The following INTU variants were observed in gnomAD, a reference collection of about 807,000 sequenced individuals.
INTU encodes inturned planar cell polarity protein.
A neutral mutation model predicts 100.5 loss-of-function variants in INTU; 68 were observed. The ratio of observed to expected loss-of-function variants is 0.68; its 90% CI spans 0.56 to 0.83. The LOEUF (loss-of-function observed/expected upper bound fraction) is 0.83. INTU is among the 40% of genes least tolerant of loss of function. The pLI is 0.00. For synonymous variants in INTU, 357 were observed against 395.7 expected (o/e 0.90, Z 1.16); for missense variants, 1,071 against 1,114.7 (o/e 0.96, Z 0.56).
intron 8 of INTU, among the ~76,000 whole-genome samples, chr4:127,691,496 C>T (rs1464785799): frequency 6.6e-6 from 1 of 152,116 alleles, no homozygotes; most frequent in African/African-American, 2.4e-5. Context: ...TTTTAATTTG[C>T]ATTTCCCTGA....
At chr4:127,635,018 A>G (rs1265581671) in intron 1 of INTU, among the ~76,000 whole-genome samples, 1 of 152,236 alleles carries the variant, frequency 6.6e-6, no homozygotes, top group East Asian at 1.9e-4. Flanking sequence ...GACTACGTGA[A>G]GCTTACTAAG....
At chr4:127,682,255 T>C (rs968592826) in intron 6 of INTU, among the ~76,000 whole-genome samples, 12 of 152,054 alleles carry the variant, frequency 7.9e-5, no homozygotes, top group Non-Finnish European at 1.2e-4. Flanking sequence ...CATTACTGGG[T>C]ATATGCCCAA....
intron 2 of INTU, among the ~76,000 whole-genome samples, chr4:127,649,735 G>A (rs1162538212): frequency 2.0e-5 from 3 of 152,258 alleles, no homozygotes; most frequent in Middle Eastern, 3.4e-3. Flanking sequence ...CTCCCTGAGA[G>A]TAGAGATTTT....
intron 2 of INTU, among the ~76,000 whole-genome samples, chr4:127,654,297 G>A (rs1408077163): frequency 6.6e-6 from 1 of 152,128 alleles, no homozygotes; most frequent in African/African-American, 2.4e-5. Flanking sequence ...CTCGTTAGTT[G>A]ATGCAGTTTC....
At chr4:127,642,230 G>C (rs1351532035) in intron 1 of INTU, among the ~76,000 whole-genome samples, 1 of 152,094 alleles carries the variant, frequency 6.6e-6, no homozygotes, top group Non-Finnish European at 1.5e-5. Flanking sequence ...AGTGATATTT[G>C]GTTGATAATC....
intron 6 of INTU, among the ~76,000 whole-genome samples, chr4:127,683,275 G>A (rs1441665106): frequency 2.6e-5 from 4 of 152,170 alleles, no homozygotes; most frequent in African/African-American, 7.2e-5. Context: ...AGCTTCCAGT[G>A]AAAAGTAAGC....
At position 127,726,519 on chromosome 4, in the gene INTU, G is replaced by A. The variant is rs1220250039; in HGVS notation, c.*10083G>A. The A allele has an allele frequency of 6.6e-6, 1 of 151,968 alleles. No individual in the cohort carries two copies. Among genetic ancestry groups the A allele is most frequent in the African/African-American group, 2.4e-5 (1 of 41,362 alleles). The allele number at this position is 151,968 out of a possible 1,614,324, so 9.4% of individuals were successfully genotyped here. On this transcript the variant is annotated 3_prime_UTR_variant, in exon 16 of 16. Transcript: ENST00000335251. ...TACCTGCTACTGTACAAAATGTAGG[G>A]GAAAAGCTGAGAAAAATCATTTATC...
At chr4:127,708,697 T>A in intron 13 of INTU, 29 bp downstream of exon 13, 1 of 1,204,496 alleles carries the variant, frequency 8.3e-7, no homozygotes, top group South Asian at 1.4e-5. Context: ...CTTGTTCACT[T>A]AAACTCAGGA....
chr4:127,710,971 G>A lies in INTU; in HGVS notation c.2428G>A (p.Gly810Arg). ...CTACGTTGCCTTAGAAACAGTGCAAGGAATCTTTATTACTCCTACCCTTGA... is the reference window on the plus strand; with the variant it reads ...CTACGTTGCCTTAGAAACAGTGCAAAGAATCTTTATTACTCCTACCCTTGA... ...FHYVALETVQ[G>R]IFITPTLEEV... Residue 810 changes from glycine (G) to arginine (R), a missense_variant, in exon 14 of 16, where the codon GGA becomes AGA. Coordinates refer to ENST00000335251, the MANE Select transcript of INTU (RefSeq NM_015693.4). 6.3e-7 allele frequency: 1 copy of A among 1,587,536 alleles called. No individual in the cohort carries two copies. The highest frequency in any genetic ancestry group is 1.7e-4 in the Middle Eastern group (1 of 5,958).
chr4:127,695,471 G>A (rs1336979552), intron 8 of INTU, among the ~76,000 whole-genome samples: 1 of 152,166 alleles, frequency 6.6e-6, no homozygotes, highest in East Asian at 1.9e-4. Flanking sequence ...GCCGGGTGTG[G>A]TGGCACATGT....
chr4:127,717,192 A>T lies in INTU; in HGVS notation c.*756A>T, dbSNP rs1197545318. ...GTGCATTGTTCCCCTCCCTTTGTCCATGTGTTCTCATGGTCAGCTCCCACT... is the reference window on the plus strand; with the variant it reads ...GTGCATTGTTCCCCTCCCTTTGTCCTTGTGTTCTCATGGTCAGCTCCCACT... On this transcript the variant is annotated 3_prime_UTR_variant, in exon 16 of 16. Transcript: ENST00000335251. 6.6e-6 allele frequency: 1 copy of T among 151,840 alleles called. No homozygotes were observed. Among genetic ancestry groups the T allele is most frequent in the Admixed American group, 6.6e-5 (1 of 15,256 alleles). 9.4% of individuals were successfully genotyped at this position (151,840 alleles called of 1,614,324 possible).
intron 6 of INTU, among the ~76,000 whole-genome samples, chr4:127,682,271 T>C (rs1320033437): frequency 1.3e-5 from 2 of 151,980 alleles, no homozygotes; most frequent in Non-Finnish European, 2.9e-5. Context: ...CCCAAAGGAC[T>C]ATAAATCATG....
intron 11 of INTU, 77 bp downstream of exon 11, chr4:127,705,889 A>G (rs1213686397): frequency 6.5e-5 from 70 of 1,084,990 alleles, no homozygotes; most frequent in Non-Finnish European, 9.5e-5. Flanking sequence ...GGGTTGAGGG[A>G]TGCAGCGGTA....
rs773564905 is a variant in INTU, at chr4:127,711,043, A to G, written c.2500A>G (p.Asn834Asp). The G allele has an allele frequency of 1.9e-6, 3 of 1,609,656 alleles. No homozygotes were observed. In the East Asian group the frequency reaches 6.7e-5, roughly 36 times the overall value. Residue 834 changes from asparagine to aspartate, a missense_variant, in exon 14 of 16, where the codon AAT (asparagine) becomes GAT (aspartate). Transcript: ENST00000335251. ...CTCTATCCACCCTCAGCTAATAAAG[A>G]ATTTCCATCAGTGTTGTCTTTCCAT... is the stretch of plus-strand genomic sequence containing the variant. ...SGSIHPQLIK[N>D]FHQCCLSIRA...
At chr4:127,702,810 A>G (rs752132206) in intron 9 of INTU, among the ~76,000 whole-genome samples, 3 of 151,800 alleles carry the variant, frequency 2.0e-5, no homozygotes, top group Non-Finnish European at 4.4e-5. Flanking sequence ...CATACCCCCA[A>G]CCTCTGGCAA....
chr4:127,656,845 A>T (rs1728252990), intron 3 of INTU, 124 bp downstream of exon 3: 1 of 487,736 alleles, frequency 2.1e-6, no homozygotes, highest in Non-Finnish European at 3.6e-6. Flanking sequence ...TTACACTGAT[A>T]CTTGCCTATT....
At chr4:127,682,057 C>G (rs1729589658) in intron 6 of INTU, among the ~76,000 whole-genome samples, 1 of 148,550 alleles carries the variant, frequency 6.7e-6, no homozygotes, top group African/African-American at 2.6e-5. Context: ...CAATGAGATA[C>G]CGTCTCACAC....
At chr4:127,643,444 C>A in intron 1 of INTU, 77 bp from the exon 2 acceptor site, 2 of 1,200,764 alleles carry the variant, frequency 1.7e-6, no homozygotes, top group South Asian at 1.7e-5. Context: ...CCCCAACCCT[C>A]ACCCCCATGC....
intron 6 of INTU, among the ~76,000 whole-genome samples, chr4:127,677,306 G>GCCCC (rs1729260907): frequency 6.6e-6 from 1 of 151,942 alleles, no homozygotes; most frequent in African/African-American, 2.4e-5. Context: ...CCTCAAGTGG[G>GCCCC]TCCCTGACCC....
Sources: gnomAD v4.1 joint callset for allele counts (sites outside exome capture counted in the v4.1 genomes callset) on GRCh38, gnomAD v4.1.1 for gene constraint, MANE v1.5 for transcripts, NCBI Gene and HGNC (gene_info 2026-07-23, HGNC 2026-07-21) for gene names.